Variants in FGD4 observed in about 807,000 individuals in gnomAD.
FGD4 encodes the protein FYVE, RhoGEF and PH domain containing 4, also known as FYVE, RhoGEF and PH domain-containing protein 4.
A neutral mutation model predicts 102.0 loss-of-function variants in FGD4; 42 were observed. The ratio of observed to expected loss-of-function variants is 0.41; its 90% CI spans 0.32 to 0.53. FGD4 has a LOEUF of 0.53. Ranked by LOEUF, FGD4 falls within the 20% of genes least tolerant of loss-of-function variation. The pLI is 0.21. For synonymous variants in FGD4, 380 were observed against 375.7 expected, an observed-to-expected ratio of 1.01 and a Z score of -0.13; for missense variants, 902 against 1,078.2, an observed-to-expected ratio of 0.84 and a Z score of 2.29.
intron 1 of FGD4, among the ~76,000 whole-genome samples, chr12:32,445,270 A>G (rs1942577728): frequency 6.6e-6 from 1 of 152,272 alleles, no homozygotes; most frequent in Admixed American, 6.5e-5. Context: ...AAAGGAATAC[A>G]ATATTCATAA....
chr12:32,567,385 G>A (rs1023553433), intron 2 of FGD4, among the ~76,000 whole-genome samples: 6 of 151,996 alleles, frequency 3.9e-5, no homozygotes, highest in African/African-American at 7.2e-5. Context: ...GTTCTCAAGC[G>A]GAGACAGTTT....
intron 15 of FGD4, among the ~76,000 whole-genome samples, chr12:32,635,312 G>A (rs189758613): frequency 1.3e-3 from 197 of 152,282 alleles, no homozygotes; most frequent in African/African-American, 4.6e-3. Flanking sequence ...AATATAATGA[G>A]TCGGGGAACT....
At chr12:32,614,921 T>C (rs1480862834) in intron 10 of FGD4, among the ~76,000 whole-genome samples, 1 of 152,242 alleles carries the variant, frequency 6.6e-6, no homozygotes, top group Admixed American at 6.5e-5. Flanking sequence ...GTGTCAGTCA[T>C]GTTTTTAAAA....
intron 1 of FGD4, among the ~76,000 whole-genome samples, chr12:32,409,426 C>T (rs1941105104): frequency 6.6e-6 from 1 of 151,922 alleles, no homozygotes; most frequent in Non-Finnish European, 1.5e-5. Context: ...GTAGGTAGGA[C>T]TACAGGCGCC....
chr12:32,526,553 T>C lies in FGD4; in HGVS notation c.167-37584T>C, dbSNP rs956759550. 1.1e-4 allele frequency among the ~76,000 whole-genome samples: 16 copies of C among 152,278 alleles called. No homozygotes were observed. In the East Asian group the frequency reaches 1.9e-3, roughly 18 times the overall value. On this transcript the variant is annotated intron_variant, in intron 1 of 16. Transcript: ENST00000534526. Reference sequence around the variant, plus strand: ...CGCCCTGACGAAACAGGCCACTCGGTCCTACCAATCAGCAGGATGTGGGTG... The same window carrying C: ...CGCCCTGACGAAACAGGCCACTCGGCCCTACCAATCAGCAGGATGTGGGTG...
chr12:32,514,125 C>T (rs1229248302), intron 1 of FGD4, among the ~76,000 whole-genome samples: 5 of 152,076 alleles, frequency 3.3e-5, no homozygotes, highest in East Asian at 1.9e-4. Context: ...CCTTGCTGTA[C>T]GGTGAAAGCA....
intron 1 of FGD4, among the ~76,000 whole-genome samples, chr12:32,442,744 G>A (rs1172199574): frequency 6.6e-6 from 1 of 151,922 alleles, no homozygotes. Flanking sequence ...TTTTTGTAGG[G>A]ACAGAGTTTC....
chr12:32,534,801 A>T (rs1416307279), intron 1 of FGD4, among the ~76,000 whole-genome samples: 1 of 152,198 alleles, frequency 6.6e-6, no homozygotes, highest in Non-Finnish European at 1.5e-5. Flanking sequence ...AATATAGAGA[A>T]AGAAAGGAAC....
chr12:32,431,972 TC>T lies in FGD4; in HGVS notation c.166+32014del, dbSNP rs558293595. Among the ~76,000 whole-genome samples, 119 of 151,856 alleles carry T rather than the reference TC, an allele frequency of 7.8e-4. No homozygotes were observed. The South Asian group carries it at 9.6e-3, about 12-fold the overall frequency. ...TCCTTTGAGCCTTTACTTAAACGGATCTTCTGGCCGTCTCTGGGCACCTTAT... is the reference window on the plus strand; with the variant it reads ...TCCTTTGAGCCTTTACTTAAACGGATTTCTGGCCGTCTCTGGGCACCTTAT... On this transcript the variant is annotated intron_variant, in intron 1 of 16. Transcript: ENST00000534526.
chr12:32,472,459 G>A (rs539586732), intron 1 of FGD4, among the ~76,000 whole-genome samples: 27 of 152,328 alleles, frequency 1.8e-4, no homozygotes, highest in East Asian at 1.9e-4. Context: ...AGGGTGTACT[G>A]GGTCCCCCAG....
At chr12:32,517,738 T>C (rs1940044021) in intron 1 of FGD4, among the ~76,000 whole-genome samples, 1 of 151,980 alleles carries the variant, frequency 6.6e-6, no homozygotes, top group South Asian at 2.1e-4. Flanking sequence ...ACAAAAAAAT[T>C]AGCTTGGCAT....
At chr12:32,479,544 C>T (rs1457653776) in intron 1 of FGD4, among the ~76,000 whole-genome samples, 5 of 150,360 alleles carry the variant, frequency 3.3e-5, no homozygotes, top group African/African-American at 9.7e-5. Context: ...TGGGTAGGTA[C>T]ATAACTTTCT....
intron 1 of FGD4, among the ~76,000 whole-genome samples, chr12:32,530,069 G>A (rs1347967536): frequency 6.6e-6 from 1 of 152,098 alleles, no homozygotes; most frequent in Non-Finnish European, 1.5e-5. Context: ...AATCCAGGAA[G>A]TGCAGGTTGC....
chr12:32,460,406 T>G (rs574214773), intron 1 of FGD4, among the ~76,000 whole-genome samples: 1 of 151,906 alleles, frequency 6.6e-6, no homozygotes, highest in South Asian at 2.1e-4. Context: ...CACCAGCTAC[T>G]TGGGAGGCTG....
intron 1 of FGD4, among the ~76,000 whole-genome samples, chr12:32,504,779 A>G (rs886751326): frequency 6.6e-6 from 1 of 152,234 alleles, no homozygotes; most frequent in African/African-American, 2.4e-5. Context: ...ATGAACATTG[A>G]GTAGGCAGCA....
intron 1 of FGD4, among the ~76,000 whole-genome samples, chr12:32,563,668 G>A (rs1944901887): frequency 6.6e-6 from 1 of 152,146 alleles, no homozygotes; most frequent in Admixed American, 6.5e-5. Flanking sequence ...GGTGGAGGTT[G>A]TAGCGAGCCG....
chr12:32,640,152 A>C, intron 16 of FGD4, 124 bp from the exon 17 acceptor site: 2 of 1,444,568 alleles, frequency 1.4e-6, no homozygotes, highest in Non-Finnish European at 1.9e-6. Context: ...CTCTGTGCCC[A>C]TGGAGAACTC....
intron 11 of FGD4, among the ~76,000 whole-genome samples, chr12:32,621,943 A>C (rs1403063864): frequency 6.6e-6 from 1 of 151,478 alleles, no homozygotes; most frequent in Non-Finnish European, 1.5e-5. Flanking sequence ...GCTGGAGTGC[A>C]ATGGCATGAT....
rs183201921 is a variant in FGD4, at chr12:32,459,291, T to C, written c.166+59332T>C. On this transcript the variant is annotated intron_variant, in intron 1 of 16. Coordinates refer to ENST00000534526, the MANE Select transcript of FGD4 (RefSeq NM_001370298.3). ...TCACTGCAACCTCCACCTCCCAGGTTCAAGCGATTCTCATGCCTCAGCCTC... is the reference window on the plus strand; with the variant it reads ...TCACTGCAACCTCCACCTCCCAGGTCCAAGCGATTCTCATGCCTCAGCCTC... 1.4e-3 allele frequency among the ~76,000 whole-genome samples: 215 copies of C among 151,700 alleles called. 1 individual carries two copies. Among genetic ancestry groups the C allele is most frequent in the African/African-American group, 5.0e-3 (205 of 41,384 alleles).
Sources: allele counts gnomAD v4.1 joint callset (sites outside exome capture counted in the v4.1 genomes callset), GRCh38; gene constraint gnomAD v4.1.1; transcripts MANE v1.5; gene names NCBI Gene and HGNC (gene_info 2026-07-23, HGNC 2026-07-21).